The following TOP6BL variants were observed in gnomAD, a reference collection of about 807,000 sequenced individuals.
TOP6BL encodes the protein TOP6B like initiator of meiotic double strand breaks, also known as type 2 DNA topoisomerase 6 subunit B-like.
chr11:66,800,556 C>T, the TOP6BL span: 1 of 1,064,286 alleles, frequency 9.4e-7, no homozygotes, highest in African/African-American at 1.6e-5. Context: ...TAAGCTTATT[C>T]TTTTCCTTTA....
the TOP6BL span, among the ~76,000 whole-genome samples, chr11:66,745,639 C>T: frequency 6.6e-6 from 1 of 152,186 alleles, no homozygotes; most frequent in Non-Finnish European, 1.5e-5. Flanking sequence ...TGAGAGAGTA[C>T]CCCCGGGCGT....
the TOP6BL span, among the ~76,000 whole-genome samples, chr11:66,750,134 T>C: frequency 6.6e-6 from 1 of 152,220 alleles, no homozygotes; most frequent in African/African-American, 2.4e-5. Context: ...ACTATACATA[T>C]GACTGTGCTA....
chr11:66,813,955 G>T, the TOP6BL span: 1 of 1,613,818 alleles, frequency 6.2e-7, no homozygotes, highest in Non-Finnish European at 8.5e-7. Flanking sequence ...CTCTTCTTTA[G>T]TTGACTGGAA....
At chr11:66,834,475 T>G in the TOP6BL span, among the ~76,000 whole-genome samples, 2 of 152,194 alleles carry the variant, frequency 1.3e-5, no homozygotes, top group Non-Finnish European at 2.9e-5. Context: ...CTAAGGATGA[T>G]AGGTCAAATT....
the TOP6BL span, among the ~76,000 whole-genome samples, chr11:66,833,976 A>AC: frequency 6.6e-6 from 1 of 151,846 alleles, no homozygotes; most frequent in Non-Finnish European, 1.5e-5. Flanking sequence ...GACCTCTTTT[A>AC]CCCTGTTCTT....
the TOP6BL span, chr11:66,801,182 G>C: frequency 2.1e-6 from 3 of 1,440,288 alleles, no homozygotes; most frequent in African/African-American, 2.8e-5. Flanking sequence ...ATTGGAAATT[G>C]TCTCACTTGT....
the TOP6BL span, among the ~76,000 whole-genome samples, chr11:66,771,988 G>A: frequency 3.3e-5 from 5 of 152,282 alleles, no homozygotes; most frequent in South Asian, 1.0e-3. Context: ...AGTGAGTAGA[G>A]TCAATTAAAA....
the TOP6BL span, among the ~76,000 whole-genome samples, chr11:66,792,733 A>T: frequency 1.3e-5 from 2 of 152,178 alleles, no homozygotes; most frequent in African/African-American, 2.4e-5. Flanking sequence ...GTAGTCAGTA[A>T]ATATCATCAT....
At chr11:66,744,816 AG>A in the TOP6BL span, 4 of 946,526 alleles carry the variant, frequency 4.2e-6, no homozygotes, top group Non-Finnish European at 5.6e-6. Context: ...CGGGCTGAGG[AG>A]GGGGCGGCGG....
the TOP6BL span, among the ~76,000 whole-genome samples, chr11:66,815,189 G>A: frequency 1.7e-4 from 26 of 152,276 alleles, no homozygotes; most frequent in African/African-American, 6.0e-4. Flanking sequence ...TCTAGGGATC[G>A]CCATACCTCC....
the TOP6BL span, among the ~76,000 whole-genome samples, chr11:66,770,446 G>T: frequency 6.6e-6 from 1 of 152,154 alleles, no homozygotes; most frequent in African/African-American, 2.4e-5. Flanking sequence ...GCTCATGCCT[G>T]TAATACCAGC....
the TOP6BL span, among the ~76,000 whole-genome samples, chr11:66,753,907 G>T: frequency 6.6e-6 from 1 of 151,952 alleles, no homozygotes; most frequent in Admixed American, 6.6e-5. Flanking sequence ...GTTTCACCAT[G>T]TTGGCTAGGC....
chr11:66,776,441 C>T, the TOP6BL span, among the ~76,000 whole-genome samples: 1 of 152,252 alleles, frequency 6.6e-6, no homozygotes, highest in Middle Eastern at 3.4e-3. Context: ...TAATATTAGG[C>T]ATCTGTCTTG....
chr11:66,811,930 G>A, the TOP6BL span, among the ~76,000 whole-genome samples: 10 of 152,216 alleles, frequency 6.6e-5, no homozygotes, highest in East Asian at 1.9e-3. Context: ...GCAACAGAAT[G>A]AGACCTTGTG....
chr11:66,776,879 GTC>G, the TOP6BL span, among the ~76,000 whole-genome samples: 55 of 152,092 alleles, frequency 3.6e-4, 1 homozygote, highest in Admixed American at 3.5e-3. Context: ...GCAAGACCCA[GTC>G]TCTACAAAAA....
the TOP6BL span, among the ~76,000 whole-genome samples, chr11:66,798,515 G>A: frequency 8.8e-5 from 13 of 148,274 alleles, no homozygotes; most frequent in South Asian, 8.5e-4. Flanking sequence ...CAGGAGAATC[G>A]CTTGAACCCA....
At chr11:66,804,320 C>A in the TOP6BL span, 2 of 872,806 alleles carry the variant, frequency 2.3e-6, no homozygotes, top group Non-Finnish European at 1.6e-6. Context: ...AACATATAAT[C>A]TAATGTGAAA....
At chr11:66,830,519 AGAAAT>A in the TOP6BL span, among the ~76,000 whole-genome samples, 1 of 152,182 alleles carries the variant, frequency 6.6e-6, no homozygotes, top group Non-Finnish European at 1.5e-5. Flanking sequence ...ATTAAACAGA[AGAAAT>A]GAAATAATAA....
chr11:66,744,826 G>GGCA, the TOP6BL span: 1 of 1,315,234 alleles, frequency 7.6e-7, no homozygotes, highest in Non-Finnish European at 9.7e-7. Flanking sequence ...AGGGGGCGGC[G>GGCA]GCGGCGGCGG....
Sources: allele counts gnomAD v4.1 joint callset (sites outside exome capture counted in the v4.1 genomes callset), GRCh38; gene constraint gnomAD v4.1.1; transcripts MANE v1.5; gene names NCBI Gene and HGNC (gene_info 2026-07-23, HGNC 2026-07-21).